The following ENTREP2 variants were observed in gnomAD, a reference collection of about 807,000 sequenced individuals.
ENTREP2 encodes the protein endosomal transmembrane epsin interactor 2.
chr15:29,128,054 A>G, the ENTREP2 span, among the ~76,000 whole-genome samples: 1 of 152,194 alleles, frequency 6.6e-6, no homozygotes, highest in Non-Finnish European at 1.5e-5. Context: ...ATGCTGAGTG[A>G]GTGTTCAGCA....
At chr15:29,327,349 C>T in the ENTREP2 span, among the ~76,000 whole-genome samples, 3 of 152,072 alleles carry the variant, frequency 2.0e-5, no homozygotes, top group Non-Finnish European at 4.4e-5. Context: ...CAGCACTTTA[C>T]TTTGGGAGGC....
the ENTREP2 span, among the ~76,000 whole-genome samples, chr15:29,545,910 T>G: frequency 6.6e-6 from 1 of 152,216 alleles, no homozygotes; most frequent in Non-Finnish European, 1.5e-5. Flanking sequence ...TATGCTTAGC[T>G]GAGAAGAAAA....
chr15:29,527,713 T>C, the ENTREP2 span, among the ~76,000 whole-genome samples: 1 of 152,126 alleles, frequency 6.6e-6, no homozygotes, highest in Non-Finnish European at 1.5e-5. Context: ...TTATAGAAGC[T>C]GGACTCCTCT....
chr15:29,329,814 A>C, the ENTREP2 span, among the ~76,000 whole-genome samples: 51 of 152,360 alleles, frequency 3.3e-4, no homozygotes, highest in African/African-American at 1.2e-3. Context: ...TATAAAATAA[A>C]TATCCATGAG....
chr15:29,162,856 C>T, the ENTREP2 span, among the ~76,000 whole-genome samples: 2 of 152,148 alleles, frequency 1.3e-5, no homozygotes, highest in African/African-American at 4.8e-5. Context: ...CCAACCCGCA[C>T]AAAAATAGAG....
At chr15:29,495,080 C>T in the ENTREP2 span, among the ~76,000 whole-genome samples, 1 of 152,170 alleles carries the variant, frequency 6.6e-6, no homozygotes, top group East Asian at 1.9e-4. Context: ...ATTGTTGGAT[C>T]ATATGGTTGT....
At chr15:29,211,187 A>C in the ENTREP2 span, among the ~76,000 whole-genome samples, 1 of 152,188 alleles carries the variant, frequency 6.6e-6, no homozygotes, top group South Asian at 2.1e-4. Context: ...ACTGCTATAA[A>C]TGAGGGAGGC....
chr15:29,590,534 A>G, the ENTREP2 span, among the ~76,000 whole-genome samples: 1 of 151,818 alleles, frequency 6.6e-6, no homozygotes, highest in Non-Finnish European at 1.5e-5. Context: ...AATACAAAAA[A>G]TTAGCCAGGC....
At chr15:29,270,126 GA>G in the ENTREP2 span, among the ~76,000 whole-genome samples, 30 of 146,828 alleles carry the variant, frequency 2.0e-4, no homozygotes, top group Non-Finnish European at 3.3e-4. Flanking sequence ...GAACGTGTGA[GA>G]AAAAAAAAAG....
the ENTREP2 span, among the ~76,000 whole-genome samples, chr15:29,616,738 C>T: frequency 6.6e-6 from 1 of 152,106 alleles, no homozygotes. Context: ...AGTCAGGATT[C>T]TCCAGAGAAA....
At chr15:29,174,626 C>T in the ENTREP2 span, among the ~76,000 whole-genome samples, 1 of 150,388 alleles carries the variant, frequency 6.6e-6, no homozygotes, top group African/African-American at 2.5e-5. Context: ...GAGGCGGGGT[C>T]TTGCAGTGAG....
At chr15:29,233,943 T>C in the ENTREP2 span, 16 of 1,558,476 alleles carry the variant, frequency 1.0e-5, no homozygotes, top group Middle Eastern at 1.7e-4. Flanking sequence ...TCTACTTCCA[T>C]TGCAGTTTCA....
the ENTREP2 span, among the ~76,000 whole-genome samples, chr15:29,504,197 T>G: frequency 6.6e-6 from 1 of 152,132 alleles, no homozygotes; most frequent in Non-Finnish European, 1.5e-5. Context: ...TTTCTACCTA[T>G]GCACCCCTGC....
chr15:29,592,006 A>G, the ENTREP2 span, among the ~76,000 whole-genome samples: 1 of 152,230 alleles, frequency 6.6e-6, no homozygotes, highest in Non-Finnish European at 1.5e-5. Context: ...GATTCTCCCC[A>G]ACAAATTTCA....
chr15:29,628,005 T>G, the ENTREP2 span, among the ~76,000 whole-genome samples: 449 of 152,330 alleles, frequency 2.9e-3, 2 homozygotes, highest in African/African-American at 0.01. Context: ...TACCCAGAAG[T>G]TAGATGACTG....
the ENTREP2 span, among the ~76,000 whole-genome samples, chr15:29,184,916 GA>G: frequency 2.6e-5 from 4 of 151,946 alleles, no homozygotes; most frequent in Non-Finnish European, 5.9e-5. Flanking sequence ...AGGCAGTATT[GA>G]ACGGTATGAG....
At chr15:29,150,868 A>G in the ENTREP2 span, among the ~76,000 whole-genome samples, 1 of 152,166 alleles carries the variant, frequency 6.6e-6, no homozygotes, top group Non-Finnish European at 1.5e-5. Flanking sequence ...CGTGGGAAGC[A>G]GCGTAGGTCT....
At chr15:29,310,099 G>T in the ENTREP2 span, among the ~76,000 whole-genome samples, 1 of 152,132 alleles carries the variant, frequency 6.6e-6, no homozygotes, top group Non-Finnish European at 1.5e-5. Flanking sequence ...GAAGAAAGGG[G>T]CATCATGTCC....
At chr15:29,132,007 C>T in the ENTREP2 span, among the ~76,000 whole-genome samples, 6 of 152,104 alleles carry the variant, frequency 3.9e-5, no homozygotes, top group Non-Finnish European at 8.8e-5. Flanking sequence ...AGCCCACCCT[C>T]GTGGAGGCCG....
Sources: gnomAD v4.1 joint callset for allele counts (sites outside exome capture counted in the v4.1 genomes callset) on GRCh38, gnomAD v4.1.1 for gene constraint, MANE v1.5 for transcripts, NCBI Gene and HGNC (gene_info 2026-07-23, HGNC 2026-07-21) for gene names.